The following GRIK3 variants were observed in gnomAD, a reference collection of about 807,000 sequenced individuals.
The protein encoded by GRIK3 is glutamate ionotropic receptor kainate type subunit 3.
A neutral mutation model predicts 102.5 loss-of-function variants in GRIK3; 29 were observed. The observed-to-expected ratio is 0.28, with a 90% confidence interval of 0.21 to 0.39. The LOEUF (loss-of-function observed/expected upper bound fraction) is 0.39, where lower values mean the gene tolerates loss of function less well. GRIK3 is among the 10% of genes least tolerant of loss of function. GRIK3 has a pLI of 1.00. For missense variants in GRIK3, 908 were observed against 1,252.4 expected, an observed-to-expected ratio of 0.73 and a Z score of 4.15; for synonymous variants, 511 against 504.9, an observed-to-expected ratio of 1.01 and a Z score of -0.16.
At chr1:36,907,904 C>T (rs1023513637) in intron 1 of GRIK3, among the ~76,000 whole-genome samples, 1 of 152,054 alleles carries the variant, frequency 6.6e-6, no homozygotes. Context: ...GGAATTGTTC[C>T]CAGTGAGAGA....
intron 1 of GRIK3, among the ~76,000 whole-genome samples, chr1:36,940,362 T>C (rs1363767272): frequency 2.0e-5 from 3 of 152,224 alleles, no homozygotes; most frequent in African/African-American, 7.2e-5. Context: ...TGCCTTTGTC[T>C]CTATTGCATC....
intron 1 of GRIK3, among the ~76,000 whole-genome samples, chr1:36,919,484 G>A (rs905077537): frequency 3.9e-5 from 6 of 152,012 alleles, no homozygotes; most frequent in African/African-American, 9.7e-5. Flanking sequence ...GTGAGCAGAG[G>A]AAGAGTAAAA....
chr1:36,809,152 C>CCCATCCATCCAT (rs56242743), intron 13 of GRIK3, among the ~76,000 whole-genome samples: 5 of 150,994 alleles, frequency 3.3e-5, no homozygotes, highest in Non-Finnish European at 5.9e-5. Flanking sequence ...TACCCATCAA[C>CCCATCCATCCAT]CCATCCATCC....
At position 36,824,597 on chromosome 1, in the gene GRIK3, G is replaced by A. The variant is rs547915542; in HGVS notation, c.1754+1006C>T. Among the ~76,000 whole-genome samples the A allele has an allele frequency of 8.0e-4, 122 of 152,330 alleles. 1 individual carries two copies. In the South Asian group the frequency reaches 0.021, roughly 26 times the overall value. On this transcript the variant is annotated intron_variant, in intron 11 of 15. Coordinates refer to ENST00000373091, the MANE Select transcript of GRIK3 (RefSeq NM_000831.4). ...TCTGGAGAAAAAAAAGGCTGAAAACGCCAAGTCATTGGATCTCAAATTGCC... is the reference window on the plus strand; with the variant it reads ...TCTGGAGAAAAAAAAGGCTGAAAACACCAAGTCATTGGATCTCAAATTGCC...
chr1:36,881,644 A>G lies in GRIK3; in HGVS notation c.293-753T>C, dbSNP rs35768170. ...GCCGCCATCATCTTTGGCTTGGATTATTGCAGAAGCTTCCTCAGTCATCCT... is the reference window on the plus strand; with the variant it reads ...GCCGCCATCATCTTTGGCTTGGATTGTTGCAGAAGCTTCCTCAGTCATCCT... On this transcript the variant is annotated intron_variant, in intron 2 of 15. Transcript: ENST00000373091. 2.9e-3 allele frequency among the ~76,000 whole-genome samples: 443 copies of G among 152,242 alleles called. 3 individuals carry two copies. The highest frequency in any genetic ancestry group is 5.6e-3 in the Non-Finnish European group (384 of 68,006).
Position 36,872,233 on chromosome 1 carries a change from A to G in GRIK3, c.687T>C (p.Ile229=), listed in dbSNP as rs770867796. Residue 229 remains isoleucine (I), a synonymous_variant, in exon 4 of 16, where the codon ATT becomes ATC. Coordinates refer to ENST00000373091, the MANE Select transcript of GRIK3 (RefSeq NM_000831.4). The surrounding 1 kb of genome is among the most constrained non-coding windows in gnomAD (Gnocchi z 5.9). ...KEMKRGREFR[I]IFDCSHTMAA... is the part of the protein sequence containing the mutation. The stretch of plus-strand genomic sequence containing the variant: ...CCATAGTGTGGCTGCAGTCGAAGAT[A>G]ATGCGGAATTCCCGGCCTCGCTTCA... 1.2e-6 allele frequency: 2 copies of G among 1,611,780 alleles called. No individual in the cohort carries two copies. Among genetic ancestry groups the G allele is most frequent in the South Asian group, 2.2e-5 (2 of 90,554 alleles).
At chr1:36,992,880 C>G (rs190685210) in intron 1 of GRIK3, among the ~76,000 whole-genome samples, 1 of 152,156 alleles carries the variant, frequency 6.6e-6, no homozygotes, top group Non-Finnish European at 1.5e-5. Flanking sequence ...TGGAACTGGA[C>G]AGTCTGATCC....
Position 36,902,422 on chromosome 1 carries a change from A to T in GRIK3, c.116-11326T>A, listed in dbSNP as rs1641241420. Reference sequence around the variant, plus strand: ...AACAGAATGGAGAATTCAGATGCAGACCCACATAAATAAAGTCGACCGATC... The same window carrying T: ...AACAGAATGGAGAATTCAGATGCAGTCCCACATAAATAAAGTCGACCGATC... On this transcript the variant is annotated intron_variant, in intron 1 of 15. Coordinates refer to ENST00000373091, the MANE Select transcript of GRIK3 (RefSeq NM_000831.4). Among the ~76,000 whole-genome samples, 3 of 152,346 alleles carry T rather than the reference A, an allele frequency of 2.0e-5. No homozygotes were observed. In the South Asian group the frequency reaches 6.2e-4, roughly 32 times the overall value.
chr1:37,000,267 C>T (rs1054627965), intron 1 of GRIK3, among the ~76,000 whole-genome samples: 2 of 152,206 alleles, frequency 1.3e-5, no homozygotes, highest in East Asian at 3.8e-4. Flanking sequence ...ATTTTTATTA[C>T]CTTCATCACA....
At chr1:37,027,842 T>C (rs1287327446) in intron 1 of GRIK3, among the ~76,000 whole-genome samples, 2 of 152,072 alleles carry the variant, frequency 1.3e-5, no homozygotes, top group Admixed American at 1.3e-4. Flanking sequence ...CCTGGCCCCA[T>C]GGGAGAAGGA....
chr1:36,985,035 A>G (rs1642289753), intron 1 of GRIK3, among the ~76,000 whole-genome samples: 1 of 152,102 alleles, frequency 6.6e-6, no homozygotes, highest in Admixed American at 6.6e-5. Flanking sequence ...GAACAGAAAG[A>G]TGATTCTGGG....
At chr1:36,924,195 A>G (rs1403132130) in intron 1 of GRIK3, among the ~76,000 whole-genome samples, 1 of 152,194 alleles carries the variant, frequency 6.6e-6, no homozygotes, top group East Asian at 1.9e-4. Context: ...CCCAGAGGCT[A>G]TGACCCAATT....
At chr1:36,929,168 C>T (rs1407848788) in intron 1 of GRIK3, among the ~76,000 whole-genome samples, 1 of 152,100 alleles carries the variant, frequency 6.6e-6, no homozygotes, top group Non-Finnish European at 1.5e-5. Flanking sequence ...GGCATTACAA[C>T]ATCCAAGACC....
At chr1:36,911,069 T>C (rs1641340339) in intron 1 of GRIK3, among the ~76,000 whole-genome samples, 3 of 152,044 alleles carry the variant, frequency 2.0e-5, no homozygotes, top group Non-Finnish European at 2.9e-5. Flanking sequence ...GCAGGGGCAC[T>C]GGCCTTGGAT....
In GRIK3 at chr1:36,906,507, A is replaced by G. The variant is rs113067272; in HGVS notation, c.116-15411T>C. ...AGTGCTACTATACTATTTAGAAAAC[A>G]GCAAATAAAAGCTACCATGCAATTT... On this transcript the variant is annotated intron_variant, in intron 1 of 15. Transcript: ENST00000373091. 4.2e-3 allele frequency among the ~76,000 whole-genome samples: 644 copies of G among 152,372 alleles called. 6 individuals are homozygous for G. Among genetic ancestry groups the G allele is most frequent in the African/African-American group, 0.015 (622 of 41,598 alleles).
intron 10 of GRIK3, among the ~76,000 whole-genome samples, chr1:36,834,017 C>T (rs1263228223): frequency 6.6e-6 from 1 of 152,216 alleles, no homozygotes; most frequent in African/African-American, 2.4e-5. Context: ...CAGCCCAGGC[C>T]CCAGTCTGGG....
intron 1 of GRIK3, among the ~76,000 whole-genome samples, chr1:37,005,390 C>T (rs574902647): frequency 3.3e-5 from 5 of 152,342 alleles, no homozygotes; most frequent in Admixed American, 6.5e-5. Flanking sequence ...GAATGCTGGG[C>T]GCTGCTGGGA....
Position 36,880,416 on chromosome 1 carries a change from T to A in GRIK3, c.550+218A>T, listed in dbSNP as rs1453434291. On this transcript the variant is annotated intron_variant, in intron 3 of 15. Transcript: ENST00000373091. The surrounding 1 kb of genome is among the most constrained non-coding windows in gnomAD (Gnocchi z 5.4). ...GGAGGAGCTGAGTGTGAGGCAGGGGTGAGGTGCGCTGGGGCTGAGTGAGAT... is the reference window on the plus strand; with the variant it reads ...GGAGGAGCTGAGTGTGAGGCAGGGGAGAGGTGCGCTGGGGCTGAGTGAGAT... Among the ~76,000 whole-genome samples the A allele has an allele frequency of 1.3e-5, 2 of 151,672 alleles. No homozygotes were observed. The highest frequency in any genetic ancestry group is 2.9e-5 in the Non-Finnish European group (2 of 67,918).
chr1:36,931,816 G>C (rs573955007), intron 1 of GRIK3, among the ~76,000 whole-genome samples: 1 of 152,284 alleles, frequency 6.6e-6, no homozygotes, highest in Non-Finnish European at 1.5e-5. Context: ...GAGGAGTTCT[G>C]TCTGCTCCCC....
Sources: gnomAD v4.1 joint callset for allele counts (sites outside exome capture counted in the v4.1 genomes callset) on GRCh38, gnomAD v4.1.1 for gene constraint, Gnocchi (gnomAD v3.1) non-coding constraint, MANE v1.5 for transcripts, NCBI Gene and HGNC (gene_info 2026-07-23, HGNC 2026-07-21) for gene names.